The following AGPAT5 variants were observed in gnomAD, a reference collection of about 807,000 sequenced individuals.
AGPAT5 encodes 1-acyl-sn-glycerol-3-phosphate acyltransferase epsilon.
Under a neutral mutation model 45.6 loss-of-function variants are expected in AGPAT5, and 46 were observed. The ratio of observed to expected loss-of-function variants is 1.01; its 90% CI spans 0.80 to 1.29. The LOEUF (loss-of-function observed/expected upper bound fraction) is 1.29, where lower values mean the gene tolerates loss of function less well. Ranked by LOEUF, AGPAT5 falls within the 50% of genes most tolerant of loss-of-function variation. The probability of loss-of-function intolerance (pLI) is 0.00; values close to 1 mark genes in which losing one functional copy is unlikely to be tolerated. For missense variants in AGPAT5, 673 were observed against 450.7 expected, an observed-to-expected ratio of 1.49 and a Z score of -4.47; for synonymous variants, 272 against 167.0, an observed-to-expected ratio of 1.63 and a Z score of -4.85.
chr8:6,723,804 A>C (rs1800589261), intron 1 of AGPAT5, among the ~76,000 whole-genome samples: 1 of 152,310 alleles, frequency 6.6e-6, no homozygotes, highest in East Asian at 1.9e-4. Flanking sequence ...ATCTAAGTGC[A>C]TTTGTCTGCA....
At chr8:6,712,502 A>G (rs940438660) in intron 1 of AGPAT5, among the ~76,000 whole-genome samples, 1 of 152,150 alleles carries the variant, frequency 6.6e-6, no homozygotes, top group African/African-American at 2.4e-5. Flanking sequence ...TAAAAGCCCT[A>G]TCTATAGGAT....
At chr8:6,735,249 G>T (rs1194901125) in intron 4 of AGPAT5, among the ~76,000 whole-genome samples, 1 of 152,150 alleles carries the variant, frequency 6.6e-6, no homozygotes, top group South Asian at 2.1e-4. Context: ...GTTTCAGGCT[G>T]CTGTTCCATA....
intron 1 of AGPAT5, among the ~76,000 whole-genome samples, chr8:6,720,536 A>G (rs1036327995): frequency 6.6e-5 from 10 of 152,170 alleles, no homozygotes; most frequent in African/African-American, 2.2e-4. Context: ...AAATGACCCC[A>G]ATATTGGCCA....
intron 2 of AGPAT5, among the ~76,000 whole-genome samples, chr8:6,725,771 C>T (rs921541203): frequency 2.0e-4 from 31 of 152,104 alleles, no homozygotes; most frequent in African/African-American, 5.8e-4. Context: ...CCTAGAAGCT[C>T]AAAGCTGGAA....
At chr8:6,730,654 C>A (rs1481013122) in intron 2 of AGPAT5, 57 bp from the exon 3 acceptor site, 2 of 1,098,566 alleles carry the variant, frequency 1.8e-6, no homozygotes, top group South Asian at 1.4e-5. Flanking sequence ...GAAGCCCATT[C>A]ATAGTACAAC....
At chr8:6,749,328 A>G (rs1268585821) in intron 6 of AGPAT5, among the ~76,000 whole-genome samples, 1 of 152,236 alleles carries the variant, frequency 6.6e-6, no homozygotes, top group East Asian at 1.9e-4. Flanking sequence ...TCGAAGGAAA[A>G]AAAAATGTAA....
At chr8:6,740,968 T>C (rs374519526) in intron 4 of AGPAT5, among the ~76,000 whole-genome samples, 111 of 152,300 alleles carry the variant, frequency 7.3e-4, no homozygotes, top group African/African-American at 2.4e-3. Context: ...GCTAGGAGTT[T>C]TTGCTGTATA....
At chr8:6,749,879 A>T (rs1018261544) in intron 6 of AGPAT5, among the ~76,000 whole-genome samples, 11 of 152,222 alleles carry the variant, frequency 7.2e-5, no homozygotes, top group Admixed American at 5.9e-4. Flanking sequence ...CTCATGGGTA[A>T]GGCCAGCCTC....
intron 1 of AGPAT5, among the ~76,000 whole-genome samples, chr8:6,720,804 T>C (rs901695998): frequency 1.3e-5 from 2 of 152,138 alleles, no homozygotes; most frequent in African/African-American, 4.8e-5. Flanking sequence ...TTTCTTGCAG[T>C]GCTGGAGTTG....
At chr8:6,723,700 A>C (rs868708961) in intron 1 of AGPAT5, among the ~76,000 whole-genome samples, 12 of 152,306 alleles carry the variant, frequency 7.9e-5, no homozygotes, top group Non-Finnish European at 1.2e-4. Flanking sequence ...TCATTGTGCA[A>C]ATGTTTAAAC....
intron 3 of AGPAT5, among the ~76,000 whole-genome samples, chr8:6,731,377 C>G (rs1015446536): frequency 2.6e-5 from 4 of 152,084 alleles, no homozygotes; most frequent in Non-Finnish European, 5.9e-5. Context: ...CTAAGGTGTT[C>G]AAGACCCTCA....
intron 6 of AGPAT5, among the ~76,000 whole-genome samples, chr8:6,752,335 T>A (rs865917459): frequency 6.6e-6 from 1 of 152,236 alleles, no homozygotes; most frequent in Non-Finnish European, 1.5e-5. Context: ...TGTCTATATG[T>A]TGGAGAGAGT....
chr8:6,745,724 T>C (rs1321265325), intron 5 of AGPAT5: 1 of 152,130 alleles, frequency 6.6e-6, no homozygotes, highest in East Asian at 1.9e-4. Context: ...CCTTTTTTTT[T>C]TTAATGTGGA....
intron 2 of AGPAT5, among the ~76,000 whole-genome samples, chr8:6,726,963 G>A (rs1800708982): frequency 6.6e-6 from 1 of 152,148 alleles, no homozygotes; most frequent in Admixed American, 6.5e-5. Context: ...AGAAAAATGT[G>A]CATATAAAAA....
intron 1 of AGPAT5, among the ~76,000 whole-genome samples, chr8:6,711,781 C>A (rs946238173): frequency 6.6e-6 from 1 of 152,130 alleles, no homozygotes; most frequent in Non-Finnish European, 1.5e-5. Context: ...GGTGGCATTC[C>A]TTGGCTTGGG....
intron 1 of AGPAT5, among the ~76,000 whole-genome samples, chr8:6,710,276 T>G (rs1800109594): frequency 6.6e-6 from 1 of 152,224 alleles, no homozygotes; most frequent in African/African-American, 2.4e-5. Context: ...TTTCTGAAAT[T>G]GCATACCTTA....
intron 2 of AGPAT5, among the ~76,000 whole-genome samples, chr8:6,729,747 C>CT (rs1425469130): frequency 6.6e-6 from 1 of 152,214 alleles, no homozygotes; most frequent in Non-Finnish European, 1.5e-5. Flanking sequence ...GAAAGCTCAA[C>CT]TAACAACTTC....
In AGPAT5 at chr8:6,741,673, AT is replaced by A; in HGVS notation, c.513del (p.Pro172GlnfsTer29). 6.2e-7 allele frequency: 1 copy of A among 1,605,054 alleles called. No homozygotes were observed. Among genetic ancestry groups the A allele is most frequent in the South Asian group, 1.1e-5 (1 of 88,798 alleles). ...VDAGTPMYLVIFPEGTRYNPE... is the reference protein window; with the variant it reads ...VDAGTPMYLVXFPEGTRYNPE... ...CTATGTCCCACAGATGTATCTTGTGATTTTTCCAGAAGGTACAAGGTATAAT... is the reference window on the plus strand; with the variant it reads ...CTATGTCCCACAGATGTATCTTGTGATTTTCCAGAAGGTACAAGGTATAAT... On this transcript the variant is annotated frameshift_variant, in exon 5 of 8. Transcript: ENST00000285518. LOFTEE classifies it high-confidence loss of function.
chr8:6,719,694 A>T (rs897760424), intron 1 of AGPAT5, among the ~76,000 whole-genome samples: 2 of 152,170 alleles, frequency 1.3e-5, no homozygotes, highest in African/African-American at 4.8e-5. Flanking sequence ...GCTAAGAAAA[A>T]CTGTTGGAAC....
Sources: gnomAD v4.1 joint callset for allele counts (sites outside exome capture counted in the v4.1 genomes callset) on GRCh38, gnomAD v4.1.1 for gene constraint, MANE v1.5 for transcripts, NCBI Gene and HGNC (gene_info 2026-07-23, HGNC 2026-07-21) for gene names.